CLMP: variants seen among roughly 807,000 people sequenced by gnomAD.
CLMP encodes CXADR like cell adhesion molecule, also known as CXADR-like membrane protein.
CLMP carries 27 observed loss-of-function variants against 45.2 expected under a neutral mutation model. That is an observed-to-expected ratio of 0.60 (90% CI 0.44 to 0.82). The LOEUF (loss-of-function observed/expected upper bound fraction) is 0.82, where lower values mean the gene tolerates loss of function less well. CLMP is among the 40% of genes least tolerant of loss of function. The probability of loss-of-function intolerance (pLI) is 0.00; values close to 1 mark genes in which losing one functional copy is unlikely to be tolerated. For synonymous variants in CLMP, 167 were observed against 171.4 expected (o/e 0.97, Z 0.20); for missense variants, 403 against 448.4 (o/e 0.90, Z 0.91).
intron 1 of CLMP, among the ~76,000 whole-genome samples, chr11:123,135,516 GC>G (rs143216879): frequency 0.038 from 5,730 of 152,244 alleles, 156 homozygotes; most frequent in Middle Eastern, 0.088. Flanking sequence ...TAAGATGATT[GC>G]CTGTAGGTTT....
At chr11:123,160,017 G>T (rs1453181979) in intron 1 of CLMP, among the ~76,000 whole-genome samples, 2 of 152,112 alleles carry the variant, frequency 1.3e-5, no homozygotes, top group Non-Finnish European at 2.9e-5. Flanking sequence ...GGTGGCCCAC[G>T]CCTGCAATCC....
At chr11:123,080,567 T>C (rs1865793060) in intron 5 of CLMP, among the ~76,000 whole-genome samples, 1 of 152,124 alleles carries the variant, frequency 6.6e-6, no homozygotes, top group Non-Finnish European at 1.5e-5. Context: ...CTTCAAGTGA[T>C]CTGCCCGCCT....
At chr11:123,077,154 A>G (rs1024553180) in intron 5 of CLMP, among the ~76,000 whole-genome samples, 11 of 150,416 alleles carry the variant, frequency 7.3e-5, no homozygotes, top group African/African-American at 2.7e-4. Context: ...GTGCACCACC[A>G]TGGCCAGCTA....
rs182083446 is a variant in CLMP, at chr11:123,089,897, C to T, written c.187-5184G>A. ...GGCAGATCACCCGAGGTCGGGAGTT[C>T]GAGACCAGCTTGACCAACATGGAGA... On this transcript the variant is annotated intron_variant, in intron 2 of 6. Coordinates refer to ENST00000448775, the MANE Select transcript of CLMP (RefSeq NM_024769.5). Among the ~76,000 whole-genome samples, 434 of 150,794 alleles carry T rather than the reference C, an allele frequency of 2.9e-3. 4 individuals are homozygous for T. Among genetic ancestry groups the T allele is most frequent in the African/African-American group, 9.2e-3 (376 of 41,028 alleles).
intron 6 of CLMP, 109 bp from the exon 7 acceptor site, chr11:123,073,883 G>T: frequency 8.8e-7 from 1 of 1,137,938 alleles, no homozygotes; most frequent in East Asian, 2.5e-5. Context: ...TAATACCATC[G>T]GAAGGCAACC....
chr11:123,108,944 A>C (rs560243661), intron 1 of CLMP, among the ~76,000 whole-genome samples: 1 of 151,932 alleles, frequency 6.6e-6, no homozygotes, highest in African/African-American at 2.4e-5. Flanking sequence ...CTATAATCCC[A>C]GCTACTTGGG....
chr11:123,100,556 C>T (rs183035043), intron 1 of CLMP, among the ~76,000 whole-genome samples: 223 of 124,514 alleles, frequency 1.8e-3, no homozygotes, highest in Non-Finnish European at 2.7e-3. Context: ...ATCTGTCCAA[C>T]AGGCATCCCT....
chr11:123,086,717 T>C (rs1019705224), intron 2 of CLMP, among the ~76,000 whole-genome samples: 2 of 152,152 alleles, frequency 1.3e-5, no homozygotes, highest in African/African-American at 4.8e-5. Flanking sequence ...TTGTTTGTTC[T>C]AAATATTTGT....
intron 1 of CLMP, among the ~76,000 whole-genome samples, chr11:123,160,942 C>T (rs916296793): frequency 6.7e-6 from 1 of 150,274 alleles, no homozygotes; most frequent in Non-Finnish European, 1.5e-5. Context: ...CACACCACTG[C>T]ACTCCAGCCT....
At chr11:123,155,267 G>A (rs1194936115) in intron 1 of CLMP, among the ~76,000 whole-genome samples, 2 of 152,142 alleles carry the variant, frequency 1.3e-5, no homozygotes, top group Non-Finnish European at 1.5e-5. Flanking sequence ...CTGAGATTAT[G>A]GGCATGAGCC....
intron 1 of CLMP, among the ~76,000 whole-genome samples, chr11:123,150,565 G>GAAGGAAGGAAGGAAGGAAGGA (rs1861320162): frequency 8.4e-6 from 1 of 118,902 alleles, no homozygotes; most frequent in East Asian, 2.2e-4. Context: ...GGAAGGAAAG[G>GAAGGAAGGAAGGAAGGAAGGA]AAGGAAGGAA....
intron 1 of CLMP, among the ~76,000 whole-genome samples, chr11:123,126,542 G>T (rs149279765): frequency 2.0e-5 from 3 of 152,240 alleles, no homozygotes; most frequent in Non-Finnish European, 4.4e-5. Context: ...AAAGGTGTGA[G>T]CCACTGCACC....
At chr11:123,161,353 A>T (rs76089227) in intron 1 of CLMP, among the ~76,000 whole-genome samples, 4 of 152,084 alleles carry the variant, frequency 2.6e-5, no homozygotes, top group African/African-American at 9.7e-5. Flanking sequence ...TGTGAGAAGC[A>T]CTGATTTTTT....
rs775155566 is a variant in CLMP at position 123,074,869 on chromosome 11, A to G, written c.680-26T>C. On this transcript the variant is annotated intron_variant, in intron 5 of 6. Coordinates refer to ENST00000448775, the MANE Select transcript of CLMP (RefSeq NM_024769.5). ...CTATTTTCTCAGAAGCAAAAGCACA[A>G]GTAAAACCAAACGTAAGCTAGGAAA... 25 of 1,607,914 alleles carry G rather than the reference A, an allele frequency of 1.6e-5. No homozygotes were observed. The South Asian group carries it at 2.2e-4, about 14-fold the overall frequency.
chr11:123,173,077 C>G (rs577478011), intron 1 of CLMP, among the ~76,000 whole-genome samples: 1 of 152,314 alleles, frequency 6.6e-6, no homozygotes, highest in East Asian at 1.9e-4. Flanking sequence ...GCTTCACTCT[C>G]AAGGTTAACA....
chr11:123,134,498 G>A (rs1237034045), intron 1 of CLMP, among the ~76,000 whole-genome samples: 1 of 149,760 alleles, frequency 6.7e-6, no homozygotes, highest in Non-Finnish European at 1.5e-5. Context: ...TTAAGCAAGG[G>A]CATTTCATGT....
rs537614465 is a variant in CLMP at position 123,092,225 on chromosome 11, C to A, written c.186+5570G>T. Among the ~76,000 whole-genome samples the A allele has an allele frequency of 4.6e-5, 7 of 152,074 alleles. No individual in the cohort carries two copies. The South Asian group carries it at 1.0e-3, about 23-fold the overall frequency. ...TAGTGCACAGTACGTTCAGGTAGGT[C>A]TGACTCCATCTGCTTTTCCTCGCTT... On this transcript the variant is annotated intron_variant, in intron 2 of 6. Transcript: ENST00000448775.
chr11:123,155,474 T>C (rs936917229), intron 1 of CLMP, among the ~76,000 whole-genome samples: 1 of 151,538 alleles, frequency 6.6e-6, no homozygotes, highest in African/African-American at 2.4e-5. Context: ...AGTAAATTCG[T>C]TCTCTCATTT....
intron 1 of CLMP, among the ~76,000 whole-genome samples, chr11:123,162,928 C>A (rs1311361520): frequency 1.4e-4 from 21 of 151,432 alleles, no homozygotes; most frequent in Admixed American, 1.4e-3. Flanking sequence ...AGAAGAAAAC[C>A]AAAAAATAAA....
Sources: allele counts gnomAD v4.1 joint callset (sites outside exome capture counted in the v4.1 genomes callset), GRCh38; gene constraint gnomAD v4.1.1; transcripts MANE v1.5; gene names NCBI Gene and HGNC (gene_info 2026-07-23, HGNC 2026-07-21).